The following CRADD variants were observed in gnomAD, a reference collection of about 807,000 sequenced individuals.
CRADD encodes the protein death domain-containing protein CRADD.
CRADD carries 9 observed loss-of-function variants against 15.5 expected under a neutral mutation model. That is an observed-to-expected ratio of 0.58 (90% confidence interval 0.35 to 1.01). CRADD has a LOEUF of 1.01. Ranked by LOEUF, CRADD falls within the 50% of genes least tolerant of loss-of-function variation. The pLI, the probability that CRADD is intolerant of heterozygous loss-of-function variation, is 0.02. For missense variants in CRADD, 227 were observed against 250.3 expected, an observed-to-expected ratio of 0.91 and a Z score of 0.63; for synonymous variants, 118 against 107.6, an observed-to-expected ratio of 1.10 and a Z score of -0.60.
intron 2 of CRADD, among the ~76,000 whole-genome samples, chr12:93,749,945 G>A (rs1338390836): frequency 6.6e-6 from 1 of 152,142 alleles, no homozygotes; most frequent in African/African-American, 2.4e-5. Flanking sequence ...GTACATAGTA[G>A]GTACTCAGGA....
At chr12:93,821,389 G>A (rs1177368351) in intron 2 of CRADD, among the ~76,000 whole-genome samples, 1 of 152,168 alleles carries the variant, frequency 6.6e-6, no homozygotes, top group Admixed American at 6.5e-5. Flanking sequence ...CAGAGAGCTG[G>A]CACATCGGTC....
At chr12:93,792,556 C>A (rs954006171) in intron 2 of CRADD, among the ~76,000 whole-genome samples, 1 of 152,112 alleles carries the variant, frequency 6.6e-6, no homozygotes, top group Non-Finnish European at 1.5e-5. Context: ...TTCAGGTTGT[C>A]CTCTCTCAGA....
chr12:93,878,513 GCCC>G (rs1958472778), intron 2 of CRADD, among the ~76,000 whole-genome samples: 2 of 152,128 alleles, frequency 1.3e-5, no homozygotes, highest in South Asian at 4.1e-4. Context: ...TAGGTCACAT[GCCC>G]CACCCCCAGT....
At chr12:93,697,057 A>G (rs1027552449) in intron 2 of CRADD, among the ~76,000 whole-genome samples, 1 of 152,198 alleles carries the variant, frequency 6.6e-6, no homozygotes, top group African/African-American at 2.4e-5. Context: ...TAAATCTGAC[A>G]TGTTTTCTTC....
At chr12:93,800,158 C>T (rs1957461315) in intron 2 of CRADD, among the ~76,000 whole-genome samples, 1 of 152,066 alleles carries the variant, frequency 6.6e-6, no homozygotes, top group South Asian at 2.1e-4. Context: ...GTACAAGATG[C>T]AGAATCAGGA....
chr12:93,715,633 A>T (rs550860830), intron 2 of CRADD, among the ~76,000 whole-genome samples: 81 of 152,314 alleles, frequency 5.3e-4, no homozygotes, highest in African/African-American at 1.8e-3. Context: ...ATAGAAATTT[A>T]AAAAAATTTT....
intron 2 of CRADD, among the ~76,000 whole-genome samples, chr12:93,696,956 G>T (rs1272040236): frequency 6.6e-6 from 1 of 152,106 alleles, no homozygotes; most frequent in Non-Finnish European, 1.5e-5. Flanking sequence ...CATGGATTTT[G>T]GTATCTTGGG....
At chr12:93,704,818 T>G (rs1003073900) in intron 2 of CRADD, among the ~76,000 whole-genome samples, 7 of 152,124 alleles carry the variant, frequency 4.6e-5, no homozygotes, top group Non-Finnish European at 1.0e-4. Flanking sequence ...ACAGGCCTCC[T>G]CTGTCACTCC....
chr12:93,766,254 C>A (rs1241813167), intron 2 of CRADD, among the ~76,000 whole-genome samples: 1 of 152,148 alleles, frequency 6.6e-6, no homozygotes, highest in East Asian at 1.9e-4. Flanking sequence ...TCTTAAGATT[C>A]TGGGATTTAG....
intron 2 of CRADD, among the ~76,000 whole-genome samples, chr12:93,858,021 C>A (rs1286214494): frequency 6.6e-6 from 1 of 152,146 alleles, no homozygotes; most frequent in Non-Finnish European, 1.5e-5. Context: ...ATAATTATTC[C>A]CTGCTCTGAA....
chr12:93,797,019 A>G (rs909223994), intron 2 of CRADD, among the ~76,000 whole-genome samples: 9 of 152,146 alleles, frequency 5.9e-5, no homozygotes, highest in African/African-American at 9.7e-5. Context: ...TTCCTTACAA[A>G]TATTCGGAGG....
At chr12:93,810,785 C>T (rs1957617294) in intron 2 of CRADD, among the ~76,000 whole-genome samples, 1 of 152,136 alleles carries the variant, frequency 6.6e-6, no homozygotes, top group African/African-American at 2.4e-5. Context: ...TCCCTCCCAG[C>T]ACTATCACTG....
intron 2 of CRADD, among the ~76,000 whole-genome samples, chr12:93,826,366 A>G (rs1957823937): frequency 6.6e-6 from 1 of 152,242 alleles, no homozygotes; most frequent in African/African-American, 2.4e-5. Context: ...TGTTGTTCCA[A>G]GGGAGAAGCA....
At chr12:93,729,312 G>A (rs1956422968) in intron 2 of CRADD, among the ~76,000 whole-genome samples, 1 of 152,140 alleles carries the variant, frequency 6.6e-6, no homozygotes, top group Non-Finnish European at 1.5e-5. Context: ...TTTAGAGGAA[G>A]AAAAGGATAA....
chr12:93,731,585 T>C (rs1348807414), intron 2 of CRADD, among the ~76,000 whole-genome samples: 2 of 152,216 alleles, frequency 1.3e-5, no homozygotes, highest in African/African-American at 2.4e-5. Flanking sequence ...TCTCCATAGA[T>C]ACAAGGAAGT....
intron 2 of CRADD, among the ~76,000 whole-genome samples, chr12:93,713,425 G>T (rs1956108823): frequency 6.6e-6 from 1 of 152,066 alleles, no homozygotes; most frequent in Admixed American, 6.6e-5. Context: ...TGTCCGAGGG[G>T]TATTGGTTCC....
chr12:93,791,499 A>G (rs1289114983), intron 2 of CRADD, among the ~76,000 whole-genome samples: 1 of 152,156 alleles, frequency 6.6e-6, no homozygotes, highest in East Asian at 1.9e-4. Context: ...CAGAGAGTAG[A>G]ATGGTGGTTA....
intron 2 of CRADD, among the ~76,000 whole-genome samples, chr12:93,778,773 G>A (rs1232057329): frequency 6.9e-6 from 1 of 145,652 alleles, no homozygotes; most frequent in Non-Finnish European, 1.5e-5. Context: ...ACATTTTAAA[G>A]ATAATTAGTT....
intron 2 of CRADD, among the ~76,000 whole-genome samples, chr12:93,865,998 T>C (rs61927332): frequency 0.12 from 17,859 of 152,190 alleles, 1,431 homozygotes; most frequent in Non-Finnish European, 0.17. Flanking sequence ...TCTAGCATTA[T>C]TGAGAAGATT....
Sources: gnomAD v4.1 joint callset for allele counts (sites outside exome capture counted in the v4.1 genomes callset) on GRCh38, gnomAD v4.1.1 for gene constraint, MANE v1.5 for transcripts, NCBI Gene and HGNC (gene_info 2026-07-23, HGNC 2026-07-21) for gene names.